The following FNDC3B variants were observed in gnomAD, a reference collection of about 807,000 sequenced individuals.
The protein encoded by FNDC3B is fibronectin type III domain-containing protein 3B.
Under a neutral mutation model 151.5 loss-of-function variants are expected in FNDC3B, and 12 were observed. The observed-to-expected ratio is 0.08, with a 90% CI of 0.05 to 0.13. The LOEUF (loss-of-function observed/expected upper bound fraction) is 0.13, where lower values mean the gene tolerates loss of function less well. Among genes scored for constraint, FNDC3B ranks in the 10% least tolerant of loss-of-function variants. The pLI is 1.00. For missense variants in FNDC3B, 1,214 were observed against 1,505.3 expected, an observed-to-expected ratio of 0.81 and a Z score of 3.20; for synonymous variants, 528 against 549.0, an observed-to-expected ratio of 0.96 and a Z score of 0.54.
At chr3:172,103,900 C>G (rs779638605) in intron 1 of FNDC3B, among the ~76,000 whole-genome samples, 5 of 152,158 alleles carry the variant, frequency 3.3e-5, no homozygotes, top group Non-Finnish European at 7.4e-5. Context: ...AGGTACTGCT[C>G]ATGTCTCAAG....
intron 2 of FNDC3B, among the ~76,000 whole-genome samples, chr3:172,131,710 G>A (rs886352516): frequency 6.6e-6 from 1 of 152,168 alleles, no homozygotes; most frequent in Non-Finnish European, 1.5e-5. Context: ...ATTATTAGAA[G>A]AGGCAAAATA....
At chr3:172,204,065 C>G (rs1725304865) in intron 3 of FNDC3B, among the ~76,000 whole-genome samples, 1 of 152,180 alleles carries the variant, frequency 6.6e-6, no homozygotes, top group African/African-American at 2.4e-5. Flanking sequence ...TGGCTGTACT[C>G]ACTGTCCAAA....
At chr3:172,268,573 T>TA (rs955674719) in intron 6 of FNDC3B, among the ~76,000 whole-genome samples, 94 of 152,086 alleles carry the variant, frequency 6.2e-4, no homozygotes, top group Admixed American at 6.1e-3. Context: ...AAATCAGGGA[T>TA]AAAAAATACA....
intron 6 of FNDC3B, among the ~76,000 whole-genome samples, chr3:172,281,263 T>C (rs1280959045): frequency 7.8e-6 from 1 of 128,124 alleles, no homozygotes; most frequent in Non-Finnish European, 1.7e-5. Context: ...ATTTATATTT[T>C]GAGACGGAGT....
chr3:172,350,638 C>T (rs942590235), intron 21 of FNDC3B, among the ~76,000 whole-genome samples: 1 of 152,108 alleles, frequency 6.6e-6, no homozygotes, highest in Admixed American at 6.5e-5. Flanking sequence ...TGCTTTAAGC[C>T]TGCTTCTTTG....
intron 3 of FNDC3B, among the ~76,000 whole-genome samples, chr3:172,161,017 A>G (rs920316441): frequency 2.0e-5 from 3 of 152,180 alleles, no homozygotes; most frequent in Admixed American, 6.5e-5. Context: ...AGTAATTTTG[A>G]ATTTTACTTT....
chr3:172,210,715 T>C (rs1348069908), intron 3 of FNDC3B, among the ~76,000 whole-genome samples: 2 of 152,164 alleles, frequency 1.3e-5, no homozygotes, highest in Non-Finnish European at 2.9e-5. Context: ...TGCAAAAAAA[T>C]GAAAAGATTT....
At chr3:172,084,472 T>TATACACACACACACACAC (rs1553759303) in intron 1 of FNDC3B, among the ~76,000 whole-genome samples, 2 of 143,544 alleles carry the variant, frequency 1.4e-5, no homozygotes, top group Admixed American at 7.0e-5. Context: ...TGTATATGTA[T>TATACACACACACACACAC]ACACACACAC....
At chr3:172,254,783 T>C (rs1471448304) in intron 6 of FNDC3B, among the ~76,000 whole-genome samples, 2 of 152,168 alleles carry the variant, frequency 1.3e-5, no homozygotes, top group African/African-American at 2.4e-5. Flanking sequence ...TTGCACTCCC[T>C]TGGAGCTAAT....
chr3:172,046,327 AT>A (rs540301448), intron 1 of FNDC3B, among the ~76,000 whole-genome samples: 1 of 151,478 alleles, frequency 6.6e-6, no homozygotes, highest in Non-Finnish European at 1.5e-5. Flanking sequence ...TTGGCTCCTA[AT>A]TTTTTTTCTT....
At chr3:172,199,323 G>T (rs570596454) in intron 3 of FNDC3B, among the ~76,000 whole-genome samples, 9 of 151,878 alleles carry the variant, frequency 5.9e-5, no homozygotes, top group Admixed American at 2.0e-4. Context: ...GGGACTACAG[G>T]CGCCCGCCAC....
chr3:172,224,082 T>A (rs1200983889), intron 3 of FNDC3B, among the ~76,000 whole-genome samples: 1 of 152,252 alleles, frequency 6.6e-6, no homozygotes, highest in African/African-American at 2.4e-5. Context: ...TCTTAACATC[T>A]GCTCCATTGA....
intron 1 of FNDC3B, among the ~76,000 whole-genome samples, chr3:172,065,988 A>G (rs1200477426): frequency 6.6e-6 from 1 of 152,200 alleles, no homozygotes; most frequent in Non-Finnish European, 1.5e-5. Flanking sequence ...GTCAACCTAA[A>G]TACCCCTGAT....
chr3:172,169,832 T>C (rs1723199843), intron 3 of FNDC3B, among the ~76,000 whole-genome samples: 1 of 152,252 alleles, frequency 6.6e-6, no homozygotes, highest in Admixed American at 6.5e-5. Context: ...CGGCACTTTA[T>C]AAAATTCTCA....
chr3:172,063,542 A>C (rs1370953352), intron 1 of FNDC3B, among the ~76,000 whole-genome samples: 2 of 152,054 alleles, frequency 1.3e-5, no homozygotes, highest in East Asian at 3.9e-4. Flanking sequence ...TCTTTCCCTT[A>C]CCAGGATTCT....
intron 3 of FNDC3B, among the ~76,000 whole-genome samples, chr3:172,199,813 G>T (rs1229004717): frequency 6.6e-6 from 1 of 152,218 alleles, no homozygotes; most frequent in Admixed American, 6.5e-5. Flanking sequence ...GTGAGTGACA[G>T]CAGTCATGGT....
intron 6 of FNDC3B, among the ~76,000 whole-genome samples, chr3:172,267,959 T>C (rs1169398860): frequency 2.6e-5 from 4 of 152,234 alleles, no homozygotes; most frequent in African/African-American, 9.6e-5. Context: ...AAGATTTCTG[T>C]GGACCCTGAG....
chr3:172,189,184 G>A (rs982322418), intron 3 of FNDC3B, among the ~76,000 whole-genome samples: 3 of 152,112 alleles, frequency 2.0e-5, no homozygotes, highest in Non-Finnish European at 2.9e-5. Context: ...TTATAAAAAT[G>A]TAAGTTGCTT....
intron 1 of FNDC3B, among the ~76,000 whole-genome samples, chr3:172,084,950 T>C (rs906285837): frequency 8.5e-5 from 13 of 152,218 alleles, no homozygotes; most frequent in African/African-American, 3.1e-4. Flanking sequence ...TTTTTTGTCT[T>C]GGGCACTGGT....
Sources: allele counts gnomAD v4.1 joint callset (sites outside exome capture counted in the v4.1 genomes callset), GRCh38; gene constraint gnomAD v4.1.1; transcripts MANE v1.5; gene names NCBI Gene and HGNC (gene_info 2026-07-23, HGNC 2026-07-21).